The following RYR1 variants were observed in gnomAD, a reference collection of about 807,000 sequenced individuals.
RYR1 encodes central core disease of muscle.
Under a neutral mutation model 583.5 loss-of-function variants are expected in RYR1, and 342 were observed. The ratio of observed to expected loss-of-function variants is 0.59; its 90% CI spans 0.54 to 0.64. The LOEUF (loss-of-function observed/expected upper bound fraction) is 0.64. Among genes scored for constraint, RYR1 ranks in the 30% least tolerant of loss-of-function variants. The pLI is 0.00. For synonymous variants in RYR1, 2,791 were observed against 2,822.5 expected (o/e 0.99, Z 0.35); for missense variants, 6,032 against 6,917.2 (o/e 0.87, Z 4.54).
Position 38,455,967 on chromosome 19 carries a change from G to GT in RYR1, c.1791+238dup, listed in dbSNP as rs201725585. On this transcript the variant is annotated intron_variant, in intron 16 of 105. Transcript: ENST00000359596. ...ATGTGCTTGGTTAGATCTCTGAAAT[G>GT]TTTTTTTTTTTTTTTTTTTTTTGAG... is the stretch of plus-strand genomic sequence containing the variant. Among the ~76,000 whole-genome samples the GT allele has an allele frequency of 0.024, 2,616 of 108,394 alleles. 139 individuals carry two copies. Among genetic ancestry groups the GT allele is most frequent in the African/African-American group, 0.06 (1,570 of 26,156 alleles). The allele number at this position is 108,394 out of a possible 152,430, so 71.1% of individuals were successfully genotyped here.
chr19:38,534,575 A>C, intron 78 of RYR1, 145 bp from the exon 79 acceptor site: 1 of 730,990 alleles, frequency 1.4e-6, no homozygotes, highest in African/African-American at 1.7e-5. Flanking sequence ...CGAGGGTGTG[A>C]GCCCCAGGGG....
At chr19:38,452,789 C>A in intron 12 of RYR1, 30 bp from the exon 13 acceptor site, 2 of 1,548,792 alleles carry the variant, frequency 1.3e-6, no homozygotes, top group Non-Finnish European at 1.7e-6. Flanking sequence ...GCGCTCCCAG[C>A]CGTGGCTGAC....
At position 38,459,289 on chromosome 19, in the gene RYR1, A is replaced by G; in HGVS notation, c.2311A>G (p.Asn771Asp). Residue 771 changes from asparagine (N) to aspartate (D), a missense_variant, in exon 19 of 106, where the codon AAC (asparagine) becomes GAC (aspartate). Asn to Asp is a conservative substitution (Grantham distance 23). Around this residue, in one of 11 missense-constraint regions of RYR1, gnomAD observed 2,627 missense variants for 2,961.3 expected, o/e 0.89. Coordinates refer to ENST00000359596, the MANE Select transcript of RYR1 (RefSeq NM_000540.3). ...CGTGCAGGGTGTCTTTGAGTCCTTC[A>G]ACCTGGACGGGCTCTTCTTCCCTGT... ...CPVQGVFESFNLDGLFFPVVS... is the reference protein window; with the variant it reads ...CPVQGVFESFDLDGLFFPVVS... The G allele has an allele frequency of 2.5e-6, 4 of 1,613,868 alleles. No homozygotes were observed. Among genetic ancestry groups the G allele is most frequent in the Non-Finnish European group, 3.4e-6 (4 of 1,179,960 alleles).
At chr19:38,514,466 A>G (rs1970865897) in intron 63 of RYR1, among the ~76,000 whole-genome samples, 1 of 151,160 alleles carries the variant, frequency 6.6e-6, no homozygotes, top group East Asian at 2.0e-4. Flanking sequence ...TTTTTAGTAG[A>G]GATGGGGTTT....
Position 38,500,455 on chromosome 19 carries a change from C to T in RYR1, c.7324-151C>T. The stretch of plus-strand genomic sequence containing the variant: ...AGGTCGGGACTGGGGTGGGGGGGCA[C>T]AGGCAGAGGAACGAGGGCTGGAAAC... On this transcript the variant is annotated intron_variant, in intron 45 of 105. Transcript: ENST00000359596. The surrounding 1 kb of genome is among the most constrained non-coding windows in gnomAD (Gnocchi z 5.9). 8.9e-7 allele frequency: 1 copy of T among 1,123,222 alleles called. No homozygotes were observed. Among genetic ancestry groups the T allele is most frequent in the South Asian group, 1.4e-5 (1 of 72,178 alleles). 69.6% of individuals were successfully genotyped at this position (1,123,222 alleles called of 1,614,324 possible). A position where few individuals can be genotyped will look rare whatever the true frequency, so the allele number is the denominator to read the frequency against.
chr19:38,537,850 C>G (rs1972041302), intron 83 of RYR1, 30 bp from the exon 84 acceptor site: 1 of 1,608,742 alleles, frequency 6.2e-7, no homozygotes, highest in East Asian at 2.2e-5. Flanking sequence ...TCTGACCCCT[C>G]CTGGGCCCTG....
intron 34 of RYR1, among the ~76,000 whole-genome samples, chr19:38,487,776 G>T (rs1034670201): frequency 3.9e-5 from 6 of 152,158 alleles, no homozygotes; most frequent in African/African-American, 7.2e-5. Flanking sequence ...TGGGACTACA[G>T]GTGTGCACTA....
chr19:38,571,147 G>C (rs1167880622), intron 94 of RYR1, among the ~76,000 whole-genome samples: 1 of 152,184 alleles, frequency 6.6e-6, no homozygotes, highest in Non-Finnish European at 1.5e-5. Flanking sequence ...GGGACCCTTG[G>C]GGTCTTGCCA....
At chr19:38,527,981 G>C (rs906388268) in intron 73 of RYR1, 197 bp downstream of exon 73, 5 of 652,376 alleles carry the variant, frequency 7.7e-6, no homozygotes, top group Non-Finnish European at 1.3e-5. Context: ...ATCTGGGGGC[G>C]GGACAGGGAA....
At chr19:38,452,015 G>A (rs1259941621) in intron 12 of RYR1, 130 bp downstream of exon 12, 25 of 1,301,728 alleles carry the variant, frequency 1.9e-5, no homozygotes, top group East Asian at 2.4e-5. Context: ...TGGGCCAAGC[G>A]CAGTGGCTCA....
rs193922868 is a variant in RYR1 at position 38,577,955 on chromosome 19, G to A, written c.14210G>A (p.Arg4737Gln). 1.2e-5 allele frequency: 19 copies of A among 1,614,066 alleles called. No individual in the cohort carries two copies. Among genetic ancestry groups the A allele is most frequent in the Non-Finnish European group, 1.5e-5 (18 of 1,180,022 alleles). ...CATGGGGACATCTACGGGCGGGAGC[G>A]GATTGCTGAGCTACTGGGCATGGAC... Reference protein sequence around the residue: ...DKHGDIYGRERIAELLGMDLA... With the variant: ...DKHGDIYGREQIAELLGMDLA... Residue 4737 changes from arginine (R) to glutamine (Q), a missense_variant, in exon 98 of 106, where the codon CGG (arginine) becomes CAG (glutamine). This residue lies in a region of RYR1 where 188 missense variants were observed against 215.6 expected (regional missense o/e 0.87). Coordinates refer to ENST00000359596, the MANE Select transcript of RYR1 (RefSeq NM_000540.3).
rs893030391 is a variant in RYR1, at chr19:38,538,004, G to A, written c.11689+44G>A. The A allele has an allele frequency of 2.5e-6, 4 of 1,586,252 alleles. 1 individual carries two copies. The highest frequency in any genetic ancestry group is 1.7e-6 in the Non-Finnish European group (2 of 1,155,446). On this transcript the variant is annotated intron_variant, in intron 84 of 105. Transcript: ENST00000359596. The stretch of plus-strand genomic sequence containing the variant: ...GGGTGGAGGGGAAGCCGAGGTTTGG[G>A]GCTGGTACGGAAGGGTTGACTGAAT...
At position 38,483,765 on chromosome 19, in the gene RYR1, G is replaced by C. The variant is rs1308056265; in HGVS notation, c.4934+249G>C. 1.3e-5 allele frequency among the ~76,000 whole-genome samples: 2 copies of C among 151,850 alleles called. No homozygotes were observed. The highest frequency in any genetic ancestry group is 2.9e-5 in the Non-Finnish European group (2 of 67,940). On this transcript the variant is annotated intron_variant, in intron 33 of 105. Transcript: ENST00000359596. The surrounding 1 kb of genome is among the most constrained non-coding windows in gnomAD (Gnocchi z 6.3). ...CGCAGGCCCACCCTAAGGGAACCCA[G>C]ACAATACCCCAAGGACCCAGACCCA...
intron 65 of RYR1, 30 bp downstream of exon 65, chr19:38,516,247 G>C: frequency 6.3e-7 from 1 of 1,576,404 alleles, no homozygotes; most frequent in Non-Finnish European, 8.6e-7. Context: ...AGCAGTGCTG[G>C]GAGTCCAAAT....
Position 38,463,538 on chromosome 19 carries a change from G to T in RYR1, c.2682+11G>T. 6.2e-7 allele frequency: 1 copy of T among 1,609,780 alleles called. No individual in the cohort carries two copies. On this transcript the variant is annotated intron_variant, in intron 21 of 105. Transcript: ENST00000359596. ...TGGACCTACGGCCCGGTGAGGGGCT[G>T]CCTGCAGCCTGCGGGAGGCCGGCTA...
rs2145888142 is a variant in RYR1, at chr19:38,577,923, G to A, written c.14178G>A (p.Leu4726=). 2 of 1,614,102 alleles carry A rather than the reference G, an allele frequency of 1.2e-6. No homozygotes were observed. Among genetic ancestry groups the A allele is most frequent in the Non-Finnish European group, 1.7e-6 (2 of 1,180,032 alleles). The change falls in exon 98 of 106, where the codon CTG becomes CTA. Residue 4726 remains leucine (L), a synonymous_variant. Coordinates refer to ENST00000359596, the MANE Select transcript of RYR1 (RefSeq NM_000540.3). ...CCTGATGCTCTCTTGTGCAGGTCCTGGACAAACATGGGGACATCTACGGGC... is the reference window on the plus strand; with the variant it reads ...CCTGATGCTCTCTTGTGCAGGTCCTAGACAAACATGGGGACATCTACGGGC... ...YWDKFVKRKV[L]DKHGDIYGRE... is the part of the protein sequence containing the mutation.
chr19:38,560,407 C>T, intron 89 of RYR1, among the ~76,000 whole-genome samples: 1 of 151,288 alleles, frequency 6.6e-6, no homozygotes, highest in Non-Finnish European at 1.5e-5. Context: ...TGGAAGCAAC[C>T]TACATTTCCA....
chr19:38,515,195 A>G (rs1014594359), intron 64 of RYR1, 88 bp downstream of exon 64: 81 of 1,007,776 alleles, frequency 8.0e-5, no homozygotes, highest in Non-Finnish European at 1.1e-4. Context: ...GGTGAAAAGC[A>G]GGGTAGATGT....
At chr19:38,468,040 TCCATCCATCATCCATC>T (rs1344134761) in intron 25 of RYR1, among the ~76,000 whole-genome samples, 12 of 137,678 alleles carry the variant, frequency 8.7e-5, no homozygotes, top group Non-Finnish European at 4.7e-5. Flanking sequence ...CATCCATCCA[TCCATCCATCATCCATC>T]CATCCATCCA....
Sources: allele counts gnomAD v4.1 joint callset (sites outside exome capture counted in the v4.1 genomes callset), GRCh38; gene constraint gnomAD v4.1.1; regional missense constraint gnomAD v4.1.1; non-coding constraint Gnocchi (gnomAD v3.1); transcripts MANE v1.5; gene names NCBI Gene and HGNC (gene_info 2026-07-23, HGNC 2026-07-21).